ZUP1: variants seen among roughly 807,000 people sequenced by gnomAD.
The protein encoded by ZUP1 is zinc finger-containing ubiquitin peptidase 1.
A neutral mutation model predicts 68.1 loss-of-function variants in ZUP1; 55 were observed. That is an observed-to-expected ratio of 0.81 (90% confidence interval 0.65 to 1.01). The LOEUF is 1.01. ZUP1 is among the 50% of genes least tolerant of loss of function. The pLI, the probability that ZUP1 is intolerant of heterozygous loss-of-function variation, is 0.00. For synonymous variants in ZUP1, 223 were observed against 221.5 expected (o/e 1.01, Z -0.06); for missense variants, 684 against 674.9 (o/e 1.01, Z -0.15).
At chr6:116,664,986 A>C (rs773202135) in intron 2 of ZUP1, among the ~76,000 whole-genome samples, 1 of 152,174 alleles carries the variant, frequency 6.6e-6, no homozygotes, top group Non-Finnish European at 1.5e-5. Context: ...TTGAATTCAG[A>C]GTAAAGAATA....
chr6:116,651,620 C>G lies in ZUP1; in HGVS notation c.1268G>C (p.Trp423Ser). Residue 423 changes from tryptophan (W) to serine (S), a missense_variant, in exon 7 of 10, where the codon TGG (tryptophan) becomes TCG (serine). Transcript: ENST00000368576. ...TATATATACTTCACATGCTCCAATC[C>G]AGGCCTTTGTTCCCTGTAACCTGTT... ...LNNRLQGTKAWIGACEVYILL... is the reference protein window; with the variant it reads ...LNNRLQGTKASIGACEVYILL... 1 of 1,613,842 alleles carries G rather than the reference C, an allele frequency of 6.2e-7. No homozygotes were observed. Among genetic ancestry groups the G allele is most frequent in the Non-Finnish European group, 8.5e-7 (1 of 1,179,814 alleles).
chr6:116,644,250 A>T (rs1776216085), intron 9 of ZUP1, among the ~76,000 whole-genome samples: 1 of 152,162 alleles, frequency 6.6e-6, no homozygotes, highest in Admixed American at 6.5e-5. Context: ...GGGACTATAA[A>T]CTAGTTCAAC....
intron 5 of ZUP1, among the ~76,000 whole-genome samples, chr6:116,653,648 CAT>C (rs1211679315): frequency 6.6e-6 from 1 of 151,830 alleles, no homozygotes; most frequent in Non-Finnish European, 1.5e-5. Context: ...AATGTTGTAG[CAT>C]GGAATGAATG....
At chr6:116,649,150 TACAC>T (rs1228257144) in intron 7 of ZUP1, among the ~76,000 whole-genome samples, 3 of 152,126 alleles carry the variant, frequency 2.0e-5, no homozygotes, top group Non-Finnish European at 4.4e-5. Context: ...TTATTATACA[TACAC>T]ACAACATTAG....
chr6:116,647,390 C>T, intron 8 of ZUP1, 69 bp downstream of exon 8: 1 of 1,332,440 alleles, frequency 7.5e-7, no homozygotes, highest in Non-Finnish European at 1.0e-6. Context: ...AAAACCTTAA[C>T]CTGTCTGAAA....
At chr6:116,642,843 T>C (rs1002691793) in intron 9 of ZUP1, among the ~76,000 whole-genome samples, 5 of 151,994 alleles carry the variant, frequency 3.3e-5, no homozygotes, top group African/African-American at 1.2e-4. Context: ...CCAGGGCAAT[T>C]AGGCAGGAGA....
Position 116,645,821 on chromosome 6 carries a change from T to C in ZUP1, c.1582A>G (p.Ile528Val). The C allele has an allele frequency of 1.2e-6, 2 of 1,613,944 alleles. No homozygotes were observed. The highest frequency in any genetic ancestry group is 1.7e-6 in the Non-Finnish European group (2 of 1,179,916). ...AGTTGCTTGAGACTGCTAGCCTCTA[T>C]GTCTTGCTTTAATAATTTCTGCATT... ...REMQKLLKQD[I>V]EASSLKQLRK... The change falls in exon 9 of 10, where the codon ATA (isoleucine) becomes GTA (valine). Residue 528 changes from isoleucine to valine, a missense_variant. Transcript: ENST00000368576.
chr6:116,667,912 C>A (rs1032256636), intron 1 of ZUP1, among the ~76,000 whole-genome samples: 1 of 152,122 alleles, frequency 6.6e-6, no homozygotes, highest in Non-Finnish European at 1.5e-5. Context: ...GGTAAGGAAT[C>A]TCATCTCTCT....
chr6:116,651,855 T>G (rs1040548996), intron 6 of ZUP1, 118 bp from the exon 7 acceptor site: 39 of 1,395,992 alleles, frequency 2.8e-5, no homozygotes, highest in Admixed American at 4.5e-5. Flanking sequence ...TCCTGACATC[T>G]TCTATCATTT....
intron 3 of ZUP1, among the ~76,000 whole-genome samples, chr6:116,659,985 C>T (rs1410937446): frequency 1.3e-5 from 2 of 152,186 alleles, no homozygotes; most frequent in African/African-American, 2.4e-5. Context: ...ATATCTTTTT[C>T]TTATTACCCA....
At chr6:116,643,419 G>A (rs1448513889) in intron 9 of ZUP1, among the ~76,000 whole-genome samples, 1 of 152,082 alleles carries the variant, frequency 6.6e-6, no homozygotes, top group African/African-American at 2.4e-5. Context: ...GAGGCATCAC[G>A]CTACCTGACT....
chr6:116,636,124 TG>T (rs1197181084), intron 9 of ZUP1, among the ~76,000 whole-genome samples: 3 of 152,104 alleles, frequency 2.0e-5, no homozygotes, highest in Non-Finnish European at 4.4e-5. Flanking sequence ...CACTTTTTTG[TG>T]GAATAATGAG....
chr6:116,663,070 T>A (rs1776895165), intron 2 of ZUP1, among the ~76,000 whole-genome samples: 2 of 152,186 alleles, frequency 1.3e-5, no homozygotes, highest in Admixed American at 6.5e-5. Context: ...ACCAACCGAA[T>A]GACAAAAATT....
chr6:116,655,651 CAG>C (rs1482353984), intron 5 of ZUP1, among the ~76,000 whole-genome samples: 1 of 152,044 alleles, frequency 6.6e-6, no homozygotes, highest in Non-Finnish European at 1.5e-5. Context: ...TAATACTCAT[CAG>C]AAAAAAGCCA....
intron 3 of ZUP1, among the ~76,000 whole-genome samples, chr6:116,659,301 T>C (rs1287768431): frequency 2.0e-5 from 3 of 152,122 alleles, no homozygotes. Context: ...AGCTAATTTT[T>C]GTATTTTTAG....
chr6:116,641,599 T>A (rs1390689987), intron 9 of ZUP1, among the ~76,000 whole-genome samples: 1 of 152,066 alleles, frequency 6.6e-6, no homozygotes, highest in African/African-American at 2.4e-5. Context: ...ACTGGGTACA[T>A]AACGAAATGA....
At position 116,651,583 on chromosome 6, in the gene ZUP1, G is replaced by A. The variant is rs1418317367; in HGVS notation, c.1305C>T (p.Ser435=). The A allele has an allele frequency of 2.5e-6, 4 of 1,608,244 alleles. No homozygotes were observed. The highest frequency in any genetic ancestry group is 2.2e-5 in the South Asian group (2 of 89,770). The change falls in exon 7 of 10, where the codon TCC becomes TCT. Residue 435 remains serine, a synonymous_variant. Coordinates refer to ENST00000368576, the MANE Select transcript of ZUP1 (RefSeq NM_145062.3). ...GACEVYILLT[S]LRVKCHIVDF... is the part of the protein sequence containing the mutation. ...TTTAAGGTACATACTTTACCCTTAG[G>A]GAGGTCAGGAGTATATATACTTCAC...
intron 9 of ZUP1, among the ~76,000 whole-genome samples, chr6:116,641,876 C>T (rs1312786983): frequency 1.3e-5 from 2 of 152,054 alleles, no homozygotes; most frequent in Non-Finnish European, 2.9e-5. Flanking sequence ...ACAAAAAACC[C>T]TTCAAAAAAT....
At chr6:116,639,445 G>A (rs1449096981) in intron 9 of ZUP1, among the ~76,000 whole-genome samples, 1 of 152,236 alleles carries the variant, frequency 6.6e-6, no homozygotes, top group African/African-American at 2.4e-5. Flanking sequence ...TCCCCCAGTA[G>A]GGGCAGACTG....
Sources: gnomAD v4.1 joint callset for allele counts (sites outside exome capture counted in the v4.1 genomes callset) on GRCh38, gnomAD v4.1.1 for gene constraint, MANE v1.5 for transcripts, NCBI Gene and HGNC (gene_info 2026-07-23, HGNC 2026-07-21) for gene names.